Variants in ANO10 observed in about 807,000 individuals in gnomAD.
ANO10 encodes anoctamin 10, also known as anoctamin-10.
Under a neutral mutation model 74.7 loss-of-function variants are expected in ANO10, and 77 were observed. That is an observed-to-expected ratio of 1.03 (90% confidence interval 0.86 to 1.25). ANO10 has a LOEUF of 1.25. Ranked by LOEUF, ANO10 falls within the 50% of genes most tolerant of loss-of-function variation. The probability of loss-of-function intolerance (pLI) is 0.00; values close to 1 mark genes in which losing one functional copy is unlikely to be tolerated. For synonymous variants in ANO10, 279 were observed against 284.9 expected, an observed-to-expected ratio of 0.98 and a Z score of 0.21; for missense variants, 721 against 778.1, an observed-to-expected ratio of 0.93 and a Z score of 0.87.
At chr3:43,525,212 C>T (rs2078140274) in intron 11 of ANO10, among the ~76,000 whole-genome samples, 2 of 152,192 alleles carry the variant, frequency 1.3e-5, no homozygotes, top group Non-Finnish European at 2.9e-5. Context: ...AGCCTCACCT[C>T]ACATTCTTTC....
chr3:43,664,722 T>C (rs778175961), intron 1 of ANO10, among the ~76,000 whole-genome samples: 14 of 152,132 alleles, frequency 9.2e-5, no homozygotes, highest in Admixed American at 3.9e-4. Context: ...GCAAAGGATA[T>C]GAACAGACCC....
chr3:43,618,066 C>T (rs2083207958), intron 1 of ANO10: 1 of 152,286 alleles, frequency 6.6e-6, no homozygotes, highest in African/African-American at 2.4e-5. Flanking sequence ...GAGCCTCCCT[C>T]CTTGTACCTA....
chr3:43,508,061 G>A (rs1052932029), intron 11 of ANO10, among the ~76,000 whole-genome samples: 1 of 152,028 alleles, frequency 6.6e-6, no homozygotes, highest in Admixed American at 6.6e-5. Flanking sequence ...TGTTGCTGAA[G>A]AGGGAGTAAA....
intron 1 of ANO10, among the ~76,000 whole-genome samples, chr3:43,657,069 T>C (rs976960330): frequency 2.6e-5 from 4 of 152,258 alleles, no homozygotes; most frequent in Non-Finnish European, 4.4e-5. Context: ...CAAAAATAAA[T>C]GAATGTTTCA....
At chr3:43,483,029 A>T (rs2076332303) in intron 11 of ANO10, among the ~76,000 whole-genome samples, 1 of 152,232 alleles carries the variant, frequency 6.6e-6, no homozygotes, top group Non-Finnish European at 1.5e-5. Flanking sequence ...TTTGTCTCTT[A>T]AAAGATTCAA....
intron 12 of ANO10, among the ~76,000 whole-genome samples, chr3:43,410,052 C>T (rs2092640172): frequency 6.6e-6 from 1 of 152,090 alleles, no homozygotes; most frequent in South Asian, 2.1e-4. Context: ...AATGGGATAT[C>T]ATGCCAATCG....
intron 10 of ANO10, among the ~76,000 whole-genome samples, chr3:43,554,126 G>A: frequency 6.6e-6 from 1 of 150,942 alleles, no homozygotes; most frequent in East Asian, 1.9e-4. Context: ...GGCATCTGCT[G>A]ACTGTCTTTT....
At chr3:43,440,657 AG>A (rs2093146115) in intron 11 of ANO10, among the ~76,000 whole-genome samples, 2 of 152,132 alleles carry the variant, frequency 1.3e-5, no homozygotes, top group African/African-American at 4.8e-5. Context: ...ATCAGACATA[AG>A]ATCAATAAGG....
At chr3:43,514,698 C>T (rs2077641117) in intron 11 of ANO10, among the ~76,000 whole-genome samples, 1 of 152,166 alleles carries the variant, frequency 6.6e-6, no homozygotes, top group African/African-American at 2.4e-5. Context: ...GCACATGGAA[C>T]ATTTGCCAAG....
At chr3:43,370,662 C>A (rs1233786027) in intron 12 of ANO10, among the ~76,000 whole-genome samples, 2 of 152,152 alleles carry the variant, frequency 1.3e-5, no homozygotes, top group East Asian at 3.8e-4. Flanking sequence ...ATAGAGCTGA[C>A]GACTTCTCCA....
intron 1 of ANO10, among the ~76,000 whole-genome samples, chr3:43,620,662 C>T (rs2083345547): frequency 6.6e-6 from 1 of 152,154 alleles, no homozygotes; most frequent in Non-Finnish European, 1.5e-5. Context: ...CCTATAATCC[C>T]AGCTACTCGG....
chr3:43,656,885 G>A (rs1201304738), intron 1 of ANO10, among the ~76,000 whole-genome samples: 1 of 152,242 alleles, frequency 6.6e-6, no homozygotes, highest in African/African-American at 2.4e-5. Flanking sequence ...CAGTGCAGCG[G>A]TGGGCTGAAG....
At chr3:43,404,794 G>A (rs767411413) in intron 12 of ANO10, among the ~76,000 whole-genome samples, 7 of 140,452 alleles carry the variant, frequency 5.0e-5, no homozygotes, top group Non-Finnish European at 6.0e-5. Flanking sequence ...TGAGATGGAA[G>A]ATCATTTGAG....
At chr3:43,691,032 G>GGA in intron 1 of ANO10, 1 of 1,560,480 alleles carries the variant, frequency 6.4e-7, no homozygotes, top group Non-Finnish European at 8.7e-7. Flanking sequence ...TGCCGACACC[G>GGA]GAGAGAGGTA....
chr3:43,611,402 C>G (rs1380178632), intron 1 of ANO10, among the ~76,000 whole-genome samples: 1 of 152,190 alleles, frequency 6.6e-6, no homozygotes, highest in Non-Finnish European at 1.5e-5. Context: ...ATACAGCAGT[C>G]TAGCTTACTC....
intron 12 of ANO10, among the ~76,000 whole-genome samples, chr3:43,399,217 G>A (rs2092437447): frequency 6.6e-6 from 1 of 152,174 alleles, no homozygotes; most frequent in African/African-American, 2.4e-5. Context: ...AATGTTAGCT[G>A]TTACTATTAT....
chr3:43,685,389 C>A (rs2084262059), intron 1 of ANO10, among the ~76,000 whole-genome samples: 1 of 152,120 alleles, frequency 6.6e-6, no homozygotes, highest in African/African-American at 2.4e-5. Context: ...CCTCATTTTT[C>A]TTAATTGCTG....
intron 6 of ANO10, 42 bp downstream of exon 6, chr3:43,576,650 T>C: frequency 6.3e-7 from 1 of 1,598,086 alleles, no homozygotes; most frequent in Non-Finnish European, 8.6e-7. Flanking sequence ...GCAACATTTC[T>C]TACAGGCAAG....
chr3:43,598,999 A>G (rs1236516666), intron 3 of ANO10, among the ~76,000 whole-genome samples: 1 of 152,226 alleles, frequency 6.6e-6, no homozygotes, highest in African/African-American at 2.4e-5. Flanking sequence ...AAACTTATTA[A>G]CGTATTATTA....
Sources: gnomAD v4.1 joint callset for allele counts (sites outside exome capture counted in the v4.1 genomes callset) on GRCh38, gnomAD v4.1.1 for gene constraint, MANE v1.5 for transcripts, NCBI Gene and HGNC (gene_info 2026-07-23, HGNC 2026-07-21) for gene names.